SPCS2: variants seen among roughly 807,000 people sequenced by gnomAD.
SPCS2 encodes the protein signal peptidase complex subunit 2.
SPCS2 carries 3 observed loss-of-function variants against 22.3 expected under a neutral mutation model. The ratio of observed to expected loss-of-function variants is 0.13; its 90% CI spans 0.06 to 0.35. The LOEUF (loss-of-function observed/expected upper bound fraction) is 0.35. Ranked by LOEUF, SPCS2 falls within the 10% of genes least tolerant of loss-of-function variation. The pLI, the probability that SPCS2 is intolerant of heterozygous loss-of-function variation, is 1.00. For missense variants in SPCS2, 169 were observed against 280.9 expected, an observed-to-expected ratio of 0.60 and a Z score of 2.85; for synonymous variants, 67 against 97.2, an observed-to-expected ratio of 0.69 and a Z score of 1.83.
intron 3 of SPCS2, among the ~76,000 whole-genome samples, chr11:74,966,178 T>A (rs1322587264): frequency 6.6e-6 from 1 of 152,246 alleles, no homozygotes; most frequent in Non-Finnish European, 1.5e-5. Flanking sequence ...TGTCCTAATA[T>A]GAGCACTTAA....
intron 4 of SPCS2, among the ~76,000 whole-genome samples, chr11:74,973,447 C>G (rs1461763111): frequency 6.6e-6 from 1 of 152,136 alleles, no homozygotes; most frequent in Non-Finnish European, 1.5e-5. Context: ...TCTATCATGC[C>G]TTAAACATTT....
In SPCS2 at chr11:74,971,207, C is replaced by T. The variant is rs1948582022; in HGVS notation, c.494+1508C>T. ...CATGTTGTAGCATGTATCAGTACTT[C>T]ATTCCTTTCTATGGTCAAGTAACAT... On this transcript the variant is annotated intron_variant, in intron 4 of 4. Transcript: ENST00000263672. 3.3e-5 allele frequency among the ~76,000 whole-genome samples: 5 copies of T among 152,226 alleles called. 1 individual carries two copies. The South Asian group carries it at 8.3e-4, about 25-fold the overall frequency.
At chr11:74,949,524 A>G (rs749169729) in intron 1 of SPCS2, 125 bp downstream of exon 1, 21 of 831,276 alleles carry the variant, frequency 2.5e-5, no homozygotes, top group African/African-American at 5.1e-5. Context: ...TGTGACCACT[A>G]TCACAACCCT....
At chr11:74,949,667 A>G (rs1948326128) in intron 1 of SPCS2, 4 of 508,620 alleles carry the variant, frequency 7.9e-6, no homozygotes, top group Non-Finnish European at 1.5e-5. Context: ...GATTTTTCCT[A>G]TATTTAATCG....
chr11:74,958,027 G>T (rs892190657), intron 1 of SPCS2, among the ~76,000 whole-genome samples: 4 of 152,218 alleles, frequency 2.6e-5, no homozygotes, highest in African/African-American at 9.7e-5. Flanking sequence ...ACTGGGTTCA[G>T]TGGTGGGATG....
Position 74,969,691 on chromosome 11 carries a change from T to A in SPCS2, c.486T>A (p.Ser162Arg), listed in dbSNP as rs1237583069. 1 of 1,613,736 alleles carries A rather than the reference T, an allele frequency of 6.2e-7. No homozygotes were observed. Among genetic ancestry groups the A allele is most frequent in the Non-Finnish European group, 8.5e-7 (1 of 1,179,682 alleles). Residue 162 changes from serine to arginine, a missense_variant, in exon 4 of 5, where the codon AGT becomes AGA. Around this residue, in one of 2 missense-constraint regions of SPCS2, gnomAD observed 118 missense variants for 243.1 expected, o/e 0.49. Transcript: ENST00000263672. ...ATGATATTTGGCAGCTGTCCTCCAGTCTTAAAAGGTATGACTATCCTCACA... is the reference window on the plus strand; with the variant it reads ...ATGATATTTGGCAGCTGTCCTCCAGACTTAAAAGGTATGACTATCCTCACA... The part of the protein sequence containing the change: ...DPDDIWQLSS[S>R]LKRFDDKYTL...
chr11:74,978,122 C>T lies in SPCS2; in HGVS notation c.*1079C>T, dbSNP rs914318124. The T allele has an allele frequency of 6.6e-5, 10 of 152,194 alleles. No homozygotes were observed. Among genetic ancestry groups the T allele is most frequent in the African/African-American group, 2.2e-4 (9 of 41,462 alleles). The allele number at this position is 152,194 out of a possible 1,614,324, so 9.4% of individuals were successfully genotyped here. ...TGTGGTCCTGCAGAGACAAAACAGC[C>T]GCTTTTCCAGTATTTTCCCAGTATG... On this transcript the variant is annotated 3_prime_UTR_variant, in exon 5 of 5. Coordinates refer to ENST00000263672, the MANE Select transcript of SPCS2 (RefSeq NM_014752.3).
In SPCS2 at chr11:74,969,711, C is replaced by T; in HGVS notation, c.494+12C>T. On this transcript the variant is annotated intron_variant, in intron 4 of 4. Transcript: ENST00000263672. ...TCCAGTCTTAAAAGGTATGACTATC[C>T]TCACAGATTTTTAAATCCTGGTGTT... is the stretch of plus-strand genomic sequence containing the variant. 1 of 1,613,542 alleles carries T rather than the reference C, an allele frequency of 6.2e-7. No homozygotes were observed. Among genetic ancestry groups the T allele is most frequent in the South Asian group, 1.1e-5 (1 of 91,014 alleles).
intron 1 of SPCS2, among the ~76,000 whole-genome samples, chr11:74,960,312 C>T (rs150250153): frequency 6.6e-6 from 1 of 152,196 alleles, no homozygotes; most frequent in East Asian, 1.9e-4. Flanking sequence ...GCCTGGGTGA[C>T]AGAGTAAGAC....
chr11:74,952,408 G>A (rs901965824), intron 1 of SPCS2, among the ~76,000 whole-genome samples: 94 of 152,282 alleles, frequency 6.2e-4, no homozygotes, highest in African/African-American at 2.1e-3. Flanking sequence ...TTGTTGTAAG[G>A]ATCAAATTGT....
intron 1 of SPCS2, among the ~76,000 whole-genome samples, chr11:74,953,473 G>A (rs780046247): frequency 4.6e-5 from 7 of 151,460 alleles, no homozygotes; most frequent in South Asian, 2.1e-4. Context: ...GTTTACAAGC[G>A]TGCGCCACCA....
intron 1 of SPCS2, among the ~76,000 whole-genome samples, chr11:74,950,884 G>A (rs1008620041): frequency 2.0e-5 from 3 of 152,132 alleles, no homozygotes; most frequent in Admixed American, 1.3e-4. Flanking sequence ...ACATATTCTG[G>A]AGGTTGGGAT....
At chr11:74,974,097 C>T (rs1948602576) in intron 4 of SPCS2, among the ~76,000 whole-genome samples, 1 of 139,916 alleles carries the variant, frequency 7.1e-6, no homozygotes, top group Admixed American at 7.2e-5. Flanking sequence ...GCTAATTACC[C>T]TTACTTTGTA....
At chr11:74,964,935 T>G (rs1028287509) in intron 1 of SPCS2, 99 bp from the exon 2 acceptor site, 26 of 741,540 alleles carry the variant, frequency 3.5e-5, no homozygotes, top group Admixed American at 3.3e-4. Flanking sequence ...AAAGAGTAAA[T>G]ATTATATGTG....
Position 74,953,812 on chromosome 11 carries a change from T to C in SPCS2, c.114+4413T>C, listed in dbSNP as rs900932501. On this transcript the variant is annotated intron_variant, in intron 1 of 4. Coordinates refer to ENST00000263672, the MANE Select transcript of SPCS2 (RefSeq NM_014752.3). Reference sequence around the variant, plus strand: ...AGCATTTTCTTCTGCCTGGCAGTTATAAAGAAAAGCTGCTTGCTTAATTTG... The same window carrying C: ...AGCATTTTCTTCTGCCTGGCAGTTACAAAGAAAAGCTGCTTGCTTAATTTG... Among the ~76,000 whole-genome samples the C allele has an allele frequency of 5.9e-5, 9 of 152,248 alleles. 1 individual carries two copies.
In SPCS2 at chr11:74,976,968, A is replaced by G; in HGVS notation, c.606A>G (p.Thr202=). The change falls in exon 5 of 5, where the codon ACA becomes ACG. Residue 202 remains threonine, a synonymous_variant. Transcript: ENST00000263672. ...SIAKFFDHSG[T]LVMDAYEPEI... ...CTAAGTTTTTTGACCACAGTGGGAC[A>G]CTGGTCATGGATGCATATGAGCCTG... 1.2e-6 allele frequency: 2 copies of G among 1,607,982 alleles called. No homozygotes were observed. Among genetic ancestry groups the G allele is most frequent in the African/African-American group, 1.3e-5 (1 of 74,738 alleles).
chr11:74,976,793 G>T, intron 4 of SPCS2, 64 bp from the exon 5 acceptor site: 2 of 1,596,348 alleles, frequency 1.3e-6, no homozygotes, highest in Admixed American at 1.7e-5. Context: ...ACTTGGTGCC[G>T]TATTGTTACT....
intron 1 of SPCS2, among the ~76,000 whole-genome samples, chr11:74,960,887 T>C: frequency 6.6e-6 from 1 of 152,242 alleles, no homozygotes; most frequent in East Asian, 1.9e-4. Flanking sequence ...TTATACCTTC[T>C]GTCTGCCCTC....
Position 74,974,865 on chromosome 11 carries a change from T to C in SPCS2, c.495-1992T>C, listed in dbSNP as rs555802405. On this transcript the variant is annotated intron_variant, in intron 4 of 4. Coordinates refer to ENST00000263672, the MANE Select transcript of SPCS2 (RefSeq NM_014752.3). ...TCCTGACCTCGTGATCTGCCCGCCTTGGCCTCCCAAAGTGCTGGGATTATA... is the reference window on the plus strand; with the variant it reads ...TCCTGACCTCGTGATCTGCCCGCCTCGGCCTCCCAAAGTGCTGGGATTATA... Among the ~76,000 whole-genome samples, 7 of 152,184 alleles carry C rather than the reference T, an allele frequency of 4.6e-5. No individual in the cohort carries two copies. The South Asian group carries it at 1.5e-3, about 32-fold the overall frequency.
Sources: allele counts gnomAD v4.1 joint callset (sites outside exome capture counted in the v4.1 genomes callset), GRCh38; gene constraint gnomAD v4.1.1; regional missense constraint gnomAD v4.1.1; transcripts MANE v1.5; gene names NCBI Gene and HGNC (gene_info 2026-07-23, HGNC 2026-07-21).